Variants in ENOX1 observed in about 807,000 individuals in gnomAD.
ENOX1 encodes ecto-NOX disulfide-thiol exchanger 1.
A neutral mutation model predicts 82.5 loss-of-function variants in ENOX1; 42 were observed. The observed-to-expected ratio is 0.51, with a 90% confidence interval of 0.40 to 0.66. The LOEUF is 0.66. Ranked by LOEUF, ENOX1 falls within the 30% of genes least tolerant of loss-of-function variation. The pLI is 0.00. For synonymous variants in ENOX1, 271 were observed against 282.2 expected (o/e 0.96, Z 0.40); for missense variants, 608 against 811.6 (o/e 0.75, Z 3.05).
intron 12 of ENOX1, among the ~76,000 whole-genome samples, chr13:43,289,466 T>C (rs1449308708): frequency 6.6e-6 from 1 of 151,996 alleles, no homozygotes; most frequent in Admixed American, 6.6e-5. Context: ...AAACAAGCAA[T>C]GGGGAAAGGA....
At chr13:43,235,162 C>T (rs892864599) in intron 15 of ENOX1, among the ~76,000 whole-genome samples, 4 of 152,100 alleles carry the variant, frequency 2.6e-5, no homozygotes, top group African/African-American at 4.8e-5. Context: ...CATATGGGTT[C>T]GTTTTGGGTT....
intron 3 of ENOX1, among the ~76,000 whole-genome samples, chr13:43,476,479 C>A (rs1405582735): frequency 2.6e-5 from 4 of 152,100 alleles, no homozygotes; most frequent in Non-Finnish European, 2.9e-5. Flanking sequence ...AACTAGCTGA[C>A]CTCCCAGATA....
At chr13:43,629,612 C>T (rs2083119837) in intron 2 of ENOX1, among the ~76,000 whole-genome samples, 2 of 152,192 alleles carry the variant, frequency 1.3e-5, no homozygotes, top group African/African-American at 4.8e-5. Context: ...ATTTTTAATT[C>T]ACATAGCTGT....
At chr13:43,569,207 C>T (rs1369728635) in intron 2 of ENOX1, among the ~76,000 whole-genome samples, 1 of 152,164 alleles carries the variant, frequency 6.6e-6, no homozygotes, top group Non-Finnish European at 1.5e-5. Context: ...AATGACCTTT[C>T]TAAATTGGAT....
intron 2 of ENOX1, among the ~76,000 whole-genome samples, chr13:43,593,863 A>C (rs2081351541): frequency 6.6e-6 from 1 of 152,148 alleles, no homozygotes; most frequent in Non-Finnish European, 1.5e-5. Context: ...TGGAGTTATG[A>C]AGCACGCTAA....
In ENOX1 at chr13:43,322,381, T is replaced by C; in HGVS notation, c.1261+3A>G. On this transcript the variant is annotated splice_donor_region_variant and intron_variant, in intron 11 of 16. Coordinates refer to ENST00000690772, the MANE Select transcript of ENOX1 (RefSeq NM_001347969.2). ...ATGGGTCTGTGGCAGTTATCGGCAT[T>C]ACCTGATTCATCGACTCTCATTTTC... 1 of 1,611,302 alleles carries C rather than the reference T, an allele frequency of 6.2e-7. No homozygotes were observed. The highest frequency in any genetic ancestry group is 8.5e-7 in the Non-Finnish European group (1 of 1,177,496).
chr13:43,717,690 C>G (rs1317802016), intron 1 of ENOX1, among the ~76,000 whole-genome samples: 3 of 152,024 alleles, frequency 2.0e-5, no homozygotes, highest in African/African-American at 7.2e-5. Context: ...AACAAATCAA[C>G]AAGCAAAAAA....
At chr13:43,394,040 C>T (rs1206357670) in intron 5 of ENOX1, among the ~76,000 whole-genome samples, 9 of 152,304 alleles carry the variant, frequency 5.9e-5, no homozygotes, top group African/African-American at 1.7e-4. Flanking sequence ...TGATTGTAAG[C>T]TTCCTGAGAC....
intron 5 of ENOX1, among the ~76,000 whole-genome samples, chr13:43,367,893 A>C (rs142616302): frequency 2.6e-5 from 4 of 152,304 alleles, no homozygotes; most frequent in East Asian, 3.9e-4. Context: ...AAATACAAAG[A>C]TATTTCTAAA....
At chr13:43,730,620 C>T (rs1048358092) in intron 1 of ENOX1, among the ~76,000 whole-genome samples, 17 of 152,176 alleles carry the variant, frequency 1.1e-4, no homozygotes, top group African/African-American at 4.1e-4. Context: ...ATACTGGCTC[C>T]ATCACATTCT....
chr13:43,336,302 C>T (rs2048707784), intron 9 of ENOX1, among the ~76,000 whole-genome samples: 1 of 152,208 alleles, frequency 6.6e-6, no homozygotes, highest in African/African-American at 2.4e-5. Context: ...ACACAGAGAT[C>T]AGAAACCCCT....
chr13:43,276,713 A>G (rs893742824), intron 12 of ENOX1, among the ~76,000 whole-genome samples: 2 of 152,282 alleles, frequency 1.3e-5, no homozygotes, highest in Non-Finnish European at 2.9e-5. Context: ...ACAACCTAAG[A>G]GCAAGGCTTT....
At chr13:43,305,604 AG>A (rs1159029476) in intron 11 of ENOX1, among the ~76,000 whole-genome samples, 1 of 152,088 alleles carries the variant, frequency 6.6e-6, no homozygotes, top group Non-Finnish European at 1.5e-5. Flanking sequence ...GCTCTTCCTG[AG>A]GAAGTACTCT....
chr13:43,359,691 G>A (rs531994574), intron 7 of ENOX1, 160 bp downstream of exon 7: 9 of 652,578 alleles, frequency 1.4e-5, no homozygotes, highest in African/African-American at 7.3e-5. Context: ...CAGGCTTAGC[G>A]CAGAGCTTCT....
chr13:43,713,242 C>T (rs1252308539), intron 1 of ENOX1, among the ~76,000 whole-genome samples: 2 of 152,172 alleles, frequency 1.3e-5, no homozygotes, highest in African/African-American at 4.8e-5. Flanking sequence ...TTGAACCAGC[C>T]TTGCATCCCA....
chr13:43,651,695 T>TAAAAAAGAAAAAAAAAAAAAA (rs2084179842), intron 2 of ENOX1, among the ~76,000 whole-genome samples: 1 of 96,934 alleles, frequency 1.0e-5, no homozygotes, highest in Non-Finnish European at 2.3e-5. Flanking sequence ...AGACTCTGTC[T>TAAAAAAGAAAAAAAAAAAAAA]AAAAAAAAAA....
At chr13:43,381,969 C>A (rs1427359053) in intron 5 of ENOX1, among the ~76,000 whole-genome samples, 16 of 151,990 alleles carry the variant, frequency 1.1e-4, no homozygotes, top group Non-Finnish European at 2.4e-4. Flanking sequence ...TAATTCTACA[C>A]AAACTCTTCC....
At chr13:43,247,631 G>A (rs1326737414) in intron 14 of ENOX1, among the ~76,000 whole-genome samples, 1 of 150,334 alleles carries the variant, frequency 6.7e-6, no homozygotes, top group African/African-American at 2.4e-5. Flanking sequence ...TATCTACCGT[G>A]GCATTCAGGC....
chr13:43,761,124 C>G (rs913422618), intron 1 of ENOX1, among the ~76,000 whole-genome samples: 31 of 151,966 alleles, frequency 2.0e-4, no homozygotes, highest in African/African-American at 6.0e-4. Flanking sequence ...GGTCTTCCTG[C>G]CTTCCTGTCC....
Sources: allele counts gnomAD v4.1 joint callset (sites outside exome capture counted in the v4.1 genomes callset), GRCh38; gene constraint gnomAD v4.1.1; transcripts MANE v1.5; gene names NCBI Gene and HGNC (gene_info 2026-07-23, HGNC 2026-07-21).